Variants in ADAMTSL1 observed in about 807,000 individuals in gnomAD.
ADAMTSL1 encodes ADAMTS-like protein 1.
A neutral mutation model predicts 201.8 loss-of-function variants in ADAMTSL1; 126 were observed. That is an observed-to-expected ratio of 0.62 (90% CI 0.54 to 0.72). ADAMTSL1 has a LOEUF of 0.72. Among genes scored for constraint, ADAMTSL1 ranks in the 30% least tolerant of loss-of-function variants. The pLI, the probability that ADAMTSL1 is intolerant of heterozygous loss-of-function variation, is 0.00. For missense variants in ADAMTSL1, 2,679 were observed against 2,277.8 expected (o/e 1.18, Z -3.59); for synonymous variants, 1,121 against 903.4 (o/e 1.24, Z -4.32).
chr9:18,494,133 G>A (rs944388217), intron 1 of ADAMTSL1, among the ~76,000 whole-genome samples: 5 of 152,104 alleles, frequency 3.3e-5, no homozygotes, highest in Non-Finnish European at 7.4e-5. Flanking sequence ...GAAACGGGTG[G>A]ATCACCTGAG....
Position 18,366,627 on chromosome 9 carries a change from ATTTTTTTTTTTTTTTTTTTT to A in ADAMTSL1, c.208-138181_208-138162del, listed in dbSNP as rs772034324. 8.1e-4 allele frequency among the ~76,000 whole-genome samples: 91 copies of A among 112,828 alleles called. 3 individuals are homozygous for A. The highest frequency in any genetic ancestry group is 2.5e-3 in the African/African-American group (72 of 29,092). The allele number at this position is 112,828 out of a possible 152,430, so 74.0% of individuals were successfully genotyped here. ...ATGGATAGTGCCTCTGAAATCACTA[ATTTTTTTTTTTTTTTTTTTT>A]TTTTTTTTTTTTTTTTTTTTAAGAC... On this transcript the variant is annotated intron_variant, in intron 2 of 29. Coordinates refer to the ADAMTSL1 transcript ENST00000680146.
rs138429373 is a variant in ADAMTSL1, at chr9:18,618,984, A to T, written c.475-3259A>T. 5.4e-3 allele frequency among the ~76,000 whole-genome samples: 815 copies of T among 152,314 alleles called. 9 individuals are homozygous for T. Among genetic ancestry groups the T allele is most frequent in the Admixed American group, 0.011 (170 of 15,294 alleles). ...TGGAGGTATGAAGAAACGGCTATGG[A>T]AACATACAGCAATAAGGCAGTTACC... On this transcript the variant is annotated intron_variant, in intron 4 of 28. Transcript: ENST00000380548.
At chr9:18,715,418 C>T (rs1438368887) in intron 14 of ADAMTSL1, among the ~76,000 whole-genome samples, 1 of 152,062 alleles carries the variant, frequency 6.6e-6, no homozygotes, top group Admixed American at 6.6e-5. Context: ...GTACAAAAAT[C>T]GCAAGCATTC....
chr9:18,109,727 A>G (rs1245702583), intron 1 of ADAMTSL1, among the ~76,000 whole-genome samples: 1 of 152,144 alleles, frequency 6.6e-6, no homozygotes, highest in Admixed American at 6.5e-5. Flanking sequence ...ATTCTTCGGA[A>G]CTTGAACCCA....
At chr9:18,051,195 G>C (rs1821921792) in intron 1 of ADAMTSL1, among the ~76,000 whole-genome samples, 1 of 152,200 alleles carries the variant, frequency 6.6e-6, no homozygotes, top group African/African-American at 2.4e-5. Flanking sequence ...CAGCTACTTG[G>C]GAGGCTGAGG....
chr9:18,315,810 C>T (rs879350862), intron 2 of ADAMTSL1, among the ~76,000 whole-genome samples: 4 of 152,236 alleles, frequency 2.6e-5, no homozygotes, highest in Non-Finnish European at 5.9e-5. Flanking sequence ...GCTCCTCAAG[C>T]ACAGCCAGAG....
intron 2 of ADAMTSL1, among the ~76,000 whole-genome samples, chr9:18,275,691 C>G (rs1156709627): frequency 2.0e-5 from 3 of 152,116 alleles, no homozygotes; most frequent in Non-Finnish European, 2.9e-5. Context: ...TATCAGTAGT[C>G]TATTCCTTCG....
intron 2 of ADAMTSL1, among the ~76,000 whole-genome samples, chr9:18,225,479 G>C: frequency 6.6e-6 from 1 of 152,196 alleles, no homozygotes; most frequent in Middle Eastern, 3.4e-3. Flanking sequence ...TTTCCAAAAA[G>C]TACATATTTA....
At chr9:18,732,769 G>C (rs1388390111) in intron 15 of ADAMTSL1, among the ~76,000 whole-genome samples, 2 of 152,094 alleles carry the variant, frequency 1.3e-5, no homozygotes, top group African/African-American at 4.8e-5. Flanking sequence ...TCATGGTAGA[G>C]TTAAGGCACA....
chr9:18,255,843 T>C (rs151101965), intron 2 of ADAMTSL1, among the ~76,000 whole-genome samples: 27 of 152,304 alleles, frequency 1.8e-4, no homozygotes, highest in Non-Finnish European at 3.8e-4. Flanking sequence ...CCATCTACCC[T>C]CTTTGTCAGA....
rs77666807 is a variant in ADAMTSL1 at position 17,921,615 on chromosome 9, T to C, written c.87+14693T>C. 1.0e-3 allele frequency among the ~76,000 whole-genome samples: 153 copies of C among 152,264 alleles called. 1 individual carries two copies. In the East Asian group the frequency reaches 0.025, roughly 25 times the overall value. The stretch of plus-strand genomic sequence containing the variant: ...ATCTTGTTATAACTCATTCTGGTTA[T>C]GAGGCACACTTTTCAGAGACTGACA... On this transcript the variant is annotated intron_variant, in intron 1 of 29. Coordinates refer to the ADAMTSL1 transcript ENST00000680146.
Position 18,826,318 on chromosome 9 carries a change from TA to T in ADAMTSL1, c.3973del (p.Ser1325AlafsTer38). 1 of 1,613,060 alleles carries T rather than the reference TA, an allele frequency of 6.2e-7. No individual in the cohort carries two copies. The highest frequency in any genetic ancestry group is 8.5e-7 in the Non-Finnish European group (1 of 1,179,670). On this transcript the variant is annotated frameshift_variant, in exon 22 of 29. Transcript: ENST00000380548. LOFTEE classifies it high-confidence loss of function. ...AAGCTGAAGTCACTTGGTTCAGGAA[TA>T]AAAGCAAACTGGGCTCCCCGCACCA... is the stretch of plus-strand genomic sequence containing the variant. The part of the protein sequence containing the change: ...PEAEVTWFRN[K>X]SKLGSPHHLH...
At position 17,945,231 on chromosome 9, in the gene ADAMTSL1, A is replaced by G. The variant is rs374102398; in HGVS notation, c.87+38309A>G. On this transcript the variant is annotated intron_variant, in intron 1 of 29. Transcript: ENST00000680146. The stretch of plus-strand genomic sequence containing the variant: ...CATGAAAAAATGCTCACCATCACTG[A>G]CCATCAGAGAAATGCAAATCAAAAC... Among the ~76,000 whole-genome samples the G allele has an allele frequency of 7.7e-3, 1,072 of 139,214 alleles. 4 individuals are homozygous for G. The highest frequency in any genetic ancestry group is 1.0e-2 in the Non-Finnish European group (645 of 64,654). 91.3% of individuals were successfully genotyped at this position (139,214 alleles called of 152,430 possible). A position where few individuals can be genotyped will look rare whatever the true frequency, so the allele number is the denominator to read the frequency against.
intron 26 of ADAMTSL1, among the ~76,000 whole-genome samples, chr9:18,895,112 G>A (rs954107411): frequency 6.6e-6 from 1 of 152,178 alleles, no homozygotes; most frequent in East Asian, 1.9e-4. Flanking sequence ...TGTAAAAGTA[G>A]GCACTGAAAT....
At chr9:18,797,226 A>G (rs1318625931) in intron 20 of ADAMTSL1, among the ~76,000 whole-genome samples, 1 of 152,194 alleles carries the variant, frequency 6.6e-6, no homozygotes, top group Non-Finnish European at 1.5e-5. Context: ...CTTGCACCTT[A>G]GCTGCTAGGG....
intron 1 of ADAMTSL1, among the ~76,000 whole-genome samples, chr9:18,499,476 G>T (rs1822716908): frequency 6.6e-6 from 1 of 152,186 alleles, no homozygotes; most frequent in South Asian, 2.1e-4. Context: ...GCTAAAAATG[G>T]AATCTGCAGA....
chr9:17,937,460 A>G (rs1335386067), intron 1 of ADAMTSL1, among the ~76,000 whole-genome samples: 2 of 152,126 alleles, frequency 1.3e-5, no homozygotes, highest in Non-Finnish European at 2.9e-5. Context: ...CTGAAGGGCA[A>G]CTAGATTTGG....
intron 23 of ADAMTSL1, among the ~76,000 whole-genome samples, chr9:18,858,438 A>G (rs1187245925): frequency 1.3e-5 from 2 of 152,172 alleles, no homozygotes; most frequent in Non-Finnish European, 2.9e-5. Context: ...CTGTCTCCCT[A>G]TGAACATTGA....
chr9:18,075,308 A>G (rs1823167416), intron 1 of ADAMTSL1, among the ~76,000 whole-genome samples: 1 of 152,210 alleles, frequency 6.6e-6, no homozygotes, highest in Non-Finnish European at 1.5e-5. Flanking sequence ...GTACACTTGT[A>G]TGCATTTTTA....
Sources: allele counts gnomAD v4.1 joint callset (sites outside exome capture counted in the v4.1 genomes callset), GRCh38; gene constraint gnomAD v4.1.1; transcripts MANE v1.5; gene names NCBI Gene and HGNC (gene_info 2026-07-23, HGNC 2026-07-21).